The following DUSP15 variants were observed in gnomAD, a reference collection of about 807,000 sequenced individuals.
The protein encoded by DUSP15 is dual specificity protein phosphatase 15.
In DUSP15, 23 loss-of-function variants were observed where a neutral mutation model predicts 26.3. That is an observed-to-expected ratio of 0.87 (90% CI 0.63 to 1.24). DUSP15 has a LOEUF of 1.24. DUSP15 is among the 50% of genes most tolerant of loss of function. DUSP15 has a pLI of 0.00. For synonymous variants in DUSP15, 143 were observed against 135.5 expected, an observed-to-expected ratio of 1.06 and a Z score of -0.39; for missense variants, 364 against 320.6, an observed-to-expected ratio of 1.14 and a Z score of -1.03.
Position 31,869,577 on chromosome 20 carries a change from G to A in DUSP15, c.42C>T (p.Leu14=), listed in dbSNP as rs772766472. Residue 14 remains leucine (L), a synonymous_variant, in exon 2 of 7, where the codon CTC becomes CTT. Transcript: ENST00000339738. ...GMTKVLPGLY[L]GNFIDAKDLD... The stretch of plus-strand genomic sequence containing the variant: ...GGCAGTGCTCACCAATGAAGTTTCC[G>A]AGGTAGAGTCCAGGAAGTACCTAGA... The A allele has an allele frequency of 1.9e-6, 3 of 1,613,546 alleles. No individual in the cohort carries two copies. The highest frequency in any genetic ancestry group is 2.2e-5 in the East Asian group (1 of 44,866).
At chr20:31,865,034 C>A (rs763927912) in intron 3 of DUSP15, 32 bp from the exon 4 acceptor site, 3 of 1,613,480 alleles carry the variant, frequency 1.9e-6, no homozygotes, top group Non-Finnish European at 2.5e-6. Context: ...AGGCAGGGGA[C>A]CTTGCCTGCA....
downstream of DUSP15, among the ~76,000 whole-genome samples, chr20:31,860,668 T>C (rs1019565890): frequency 6.6e-6 from 1 of 152,210 alleles, no homozygotes; most frequent in Non-Finnish European, 1.5e-5. Flanking sequence ...TTAAGTGAAC[T>C]CATGCAGTAA....
intron 3 of DUSP15, among the ~76,000 whole-genome samples, chr20:31,866,486 C>T (rs1272185633): frequency 1.3e-5 from 2 of 152,178 alleles, no homozygotes; most frequent in Non-Finnish European, 2.9e-5. Flanking sequence ...GACATAAGCA[C>T]GTGTAGTCTG....
intron 6 of DUSP15, chr20:31,850,740 G>T: frequency 6.6e-7 from 1 of 1,525,146 alleles, no homozygotes; most frequent in Non-Finnish European, 9.0e-7. Flanking sequence ...TAGATAAGGA[G>T]GAGGCCAGGG....
Position 31,861,343 on chromosome 20 carries a change from G to A in DUSP15, c.*60C>T. 1 of 1,440,412 alleles carries A rather than the reference G, an allele frequency of 6.9e-7. No homozygotes were observed. 89.2% of individuals were successfully genotyped at this position (1,440,412 alleles called of 1,614,324 possible). A position where few individuals can be genotyped will look rare whatever the true frequency, so the allele number is the denominator to read the frequency against. ...GGGCCCGTCCTGGGGGGCGTGGAAG[G>A]CGCAGACAGCCCCCGAAGGGAGCCA... On this transcript the variant is annotated 3_prime_UTR_variant, in exon 7 of 7. Transcript: ENST00000339738.
At chr20:31,851,366 A>T (rs1478601922) in intron 6 of DUSP15, among the ~76,000 whole-genome samples, 1 of 152,040 alleles carries the variant, frequency 6.6e-6, no homozygotes, top group Non-Finnish European at 1.5e-5. Context: ...TGATACAGAC[A>T]GAATGAGGGA....
chr20:31,849,440 T>A, intron 8 of DUSP15: 1 of 564,590 alleles, frequency 1.8e-6, no homozygotes, highest in Non-Finnish European at 3.4e-6. Flanking sequence ...GGGCCTGCAT[T>A]TAATGTGCCC....
chr20:31,848,385 C>T, exon 10 of DUSP15: 2 of 1,607,670 alleles, frequency 1.2e-6, no homozygotes, highest in Non-Finnish European at 1.7e-6. Context: ...GTAGGGAGCC[C>T]CCCTGTTGGG....
intron 6 of DUSP15, among the ~76,000 whole-genome samples, chr20:31,854,701 G>A (rs773982377): frequency 1.7e-4 from 26 of 152,182 alleles, no homozygotes; most frequent in Non-Finnish European, 3.1e-4. Context: ...ATAGAAGGGC[G>A]TGGTGCACTC....
downstream of DUSP15, among the ~76,000 whole-genome samples, chr20:31,859,061 A>G (rs2062604792): frequency 6.6e-6 from 1 of 152,172 alleles, no homozygotes; most frequent in Admixed American, 6.5e-5. Flanking sequence ...GAGGTTGGTA[A>G]AAGCCCTGTT....
chr20:31,867,228 G>C, intron 2 of DUSP15, 75 bp from the exon 3 acceptor site: 1 of 1,322,932 alleles, frequency 7.6e-7, no homozygotes, highest in Admixed American at 2.0e-5. Flanking sequence ...GGAGCTCACT[G>C]CCTGCCCAGC....
rs1430891133 is a variant in DUSP15, at chr20:31,862,742, G to A, written c.264C>T (p.Cys88=). ...RLNGGNCLVH[C]FAGISRSTTI... ...TGGTGCTGCGAGAGATGCCTGCAAA[G>A]CTGGGATCCCCAACAACCCCTCAGG... Residue 88 remains cysteine (C), a splice_region_variant and synonymous_variant, in exon 6 of 7, where the codon TGC becomes TGT. Coordinates refer to ENST00000339738, the MANE Select transcript of DUSP15 (RefSeq NM_080611.5). 4 of 1,597,022 alleles carry A rather than the reference G, an allele frequency of 2.5e-6. No homozygotes were observed. Among genetic ancestry groups the A allele is most frequent in the Admixed American group, 3.4e-5 (2 of 59,250 alleles).
chr20:31,850,888 C>T (rs1016116245), intron 6 of DUSP15, among the ~76,000 whole-genome samples: 11 of 152,140 alleles, frequency 7.2e-5, no homozygotes, highest in African/African-American at 1.4e-4. Context: ...GTGGCAAATC[C>T]GGAGCCATCC....
chr20:31,861,466 C>T lies in DUSP15; in HGVS notation c.645G>A (p.Leu215=). 5.2e-6 allele frequency: 8 copies of T among 1,548,410 alleles called. No homozygotes were observed. The highest frequency in any genetic ancestry group is 6.9e-6 in the Non-Finnish European group (8 of 1,157,940). ...AAGAGAAAGTCTGCTTGACGCGCGC[C>T]AGCAGCGGCAGCGGCCGGTGGGCTT... is the stretch of plus-strand genomic sequence containing the variant. ...PREAHRPLPL[L]ARVKQTFSCL... Residue 215 remains leucine (L), a synonymous_variant, in exon 7 of 7, where the codon CTG becomes CTA. Transcript: ENST00000339738.
chr20:31,854,716 G>A (rs1206009334), intron 6 of DUSP15, among the ~76,000 whole-genome samples: 2 of 152,188 alleles, frequency 1.3e-5, no homozygotes, highest in Non-Finnish European at 2.9e-5. Flanking sequence ...GCACTCAGGG[G>A]TCAGTGAGCA....
At chr20:31,848,990 A>G (rs2062416336) in intron 8 of DUSP15, 3 of 1,102,416 alleles carry the variant, frequency 2.7e-6, no homozygotes, top group Admixed American at 2.1e-5. Context: ...TCTTGTGCTC[A>G]TTTCCCATGC....
Position 31,864,949 on chromosome 20 carries a change from T to G in DUSP15, c.188+4A>C. ...CATCTATGGGTCCATCCAGGGGAAC[T>G]TACATGGGTACCTCAGGGGTATCAG... On this transcript the variant is annotated splice_donor_region_variant and intron_variant, in intron 4 of 6. Coordinates refer to ENST00000339738, the MANE Select transcript of DUSP15 (RefSeq NM_080611.5). The G allele has an allele frequency of 6.2e-7, 1 of 1,613,698 alleles. No individual in the cohort carries two copies. Among genetic ancestry groups the G allele is most frequent in the Non-Finnish European group, 8.5e-7 (1 of 1,179,778 alleles).
chr20:31,850,742 A>G, intron 6 of DUSP15: 2 of 1,525,936 alleles, frequency 1.3e-6, no homozygotes, highest in Non-Finnish European at 1.8e-6. Flanking sequence ...GATAAGGAGG[A>G]GGCCAGGGAG....
downstream of DUSP15, among the ~76,000 whole-genome samples, chr20:31,858,198 C>T (rs895262845): frequency 1.3e-5 from 2 of 152,154 alleles, no homozygotes; most frequent in African/African-American, 4.8e-5. This position sits in a 1 kb window ranked among gnomAD's most constrained non-coding sequence, Gnocchi z 4.4. Flanking sequence ...CTACATGCTT[C>T]CAGGGGATGC....
Sources: gnomAD v4.1 joint callset for allele counts (sites outside exome capture counted in the v4.1 genomes callset) on GRCh38, gnomAD v4.1.1 for gene constraint, Gnocchi (gnomAD v3.1) non-coding constraint, MANE v1.5 for transcripts, NCBI Gene and HGNC (gene_info 2026-07-23, HGNC 2026-07-21) for gene names.